TRPC5: variants seen among roughly 807,000 people sequenced by gnomAD.
The protein encoded by TRPC5 is transient receptor potential cation channel subfamily C member 5, also known as short transient receptor potential channel 5.
A neutral mutation model predicts 56.5 loss-of-function variants in TRPC5; 9 were observed. The observed-to-expected ratio is 0.16, with a 90% CI of 0.10 to 0.28. The LOEUF (loss-of-function observed/expected upper bound fraction) is 0.28, where lower values mean the gene tolerates loss of function less well. Ranked by LOEUF, TRPC5 falls within the 10% of genes least tolerant of loss-of-function variation. TRPC5 has a pLI of 1.00. For missense variants in TRPC5, 469 were observed against 748.9 expected (o/e 0.63, Z 4.36); for synonymous variants, 282 against 278.5 (o/e 1.01, Z -0.13).
At chrX:111,957,179 C>G (rs1011326585) in intron 1 of TRPC5, among the ~76,000 whole-genome samples, 19 of 111,859 alleles carry the variant, frequency 1.7e-4, no homozygotes, top group Non-Finnish European at 3.2e-4. Flanking sequence ...GAACATAGTG[C>G]TCTAGAAATG....
At chrX:111,789,565 G>A (rs909178060) in intron 7 of TRPC5, among the ~76,000 whole-genome samples, 5 of 111,855 alleles carry the variant, frequency 4.5e-5, no homozygotes, top group African/African-American at 1.6e-4. Context: ...ATAGACAAAT[G>A]GGATCTAATT....
intron 3 of TRPC5, among the ~76,000 whole-genome samples, chrX:111,887,475 G>A (rs1321993212): frequency 2.7e-5 from 3 of 112,093 alleles, no homozygotes; most frequent in Admixed American, 9.4e-5. Flanking sequence ...GAATCTGGAA[G>A]GTCTTTCCTC....
intron 3 of TRPC5, among the ~76,000 whole-genome samples, chrX:111,856,270 G>A (rs950368921): frequency 9.1e-6 from 1 of 110,493 alleles, no homozygotes; most frequent in Non-Finnish European, 1.9e-5. Flanking sequence ...AGCTGGGCAC[G>A]GTGGCTCATG....
chrX:111,854,068 G>A lies in TRPC5; in HGVS notation c.939C>T (p.Thr313=). The A allele has an allele frequency of 1.7e-6, 2 of 1,210,790 alleles. No individual in the cohort carries two copies. The highest frequency in any genetic ancestry group is 2.2e-6 in the Non-Finnish European group (2 of 895,059). Reference sequence around the variant, plus strand: ...ATCCAGGGAAGCCATCATACCACAGGGTGGCAAGCAACTGTTGGCAGTTGG... The same window carrying A: ...ATCCAGGGAAGCCATCATACCACAGAGTGGCAAGCAACTGTTGGCAGTTGG... ...AQPNCQQLLA[T]LWYDGFPGWR... The change falls in exon 4 of 11, where the codon ACC becomes ACT. Residue 313 remains threonine, a synonymous_variant. Transcript: ENST00000262839.
chrX:111,926,533 C>T (rs1438216790), intron 2 of TRPC5, among the ~76,000 whole-genome samples: 1 of 112,075 alleles, frequency 8.9e-6, no homozygotes, highest in Non-Finnish European at 1.9e-5. Context: ...CTGGATAATG[C>T]TGCTCTAGAA....
intron 1 of TRPC5, among the ~76,000 whole-genome samples, chrX:112,078,481 T>C (rs1384434072): frequency 8.9e-6 from 1 of 111,770 alleles, no homozygotes; most frequent in Non-Finnish European, 1.9e-5. Context: ...AGGTCATTTC[T>C]ACTCTCTAGA....
chrX:112,079,050 G>A (rs939437010), intron 1 of TRPC5, among the ~76,000 whole-genome samples: 2 of 111,572 alleles, frequency 1.8e-5, no homozygotes, highest in African/African-American at 6.5e-5. Flanking sequence ...ACCTTTCCCT[G>A]CAAACCTGGC....
chrX:111,776,887 T>A lies in TRPC5; in HGVS notation c.2348A>T (p.Asn783Ile). The change falls in exon 11 of 11, where the codon AAT becomes ATT. Residue 783 changes from asparagine to isoleucine, a missense_variant. Around this residue, in one of 3 missense-constraint regions of TRPC5, gnomAD observed 194 missense variants for 221.8 expected, o/e 0.87. Transcript: ENST00000262839. ...CCGAGCCCCACCACTGCCATCATTA[T>A]TATCGTCTCTCTGAGACAGTTCAGT... ...SSTELSQRDD[N>I]NDGSGGARAK... 8.3e-7 allele frequency: 1 copy of A among 1,211,391 alleles called. No homozygotes were observed. The highest frequency in any genetic ancestry group is 1.1e-6 in the Non-Finnish European group (1 of 895,323).
At chrX:111,801,080 C>T (rs1014419865) in intron 7 of TRPC5, among the ~76,000 whole-genome samples, 2 of 112,018 alleles carry the variant, frequency 1.8e-5, no homozygotes, top group Non-Finnish European at 3.8e-5. Context: ...CTGTCAACCA[C>T]TAATCATTCT....
intron 1 of TRPC5, among the ~76,000 whole-genome samples, chrX:111,965,166 G>C (rs1218029552): frequency 3.2e-4 from 36 of 111,115 alleles, no homozygotes; most frequent in Non-Finnish European, 6.0e-4. Context: ...AAAGGCAGGG[G>C]TTGCAATCCT....
At chrX:111,920,227 A>G (rs1351359664) in intron 2 of TRPC5, among the ~76,000 whole-genome samples, 4 of 111,257 alleles carry the variant, frequency 3.6e-5, no homozygotes, top group Non-Finnish European at 7.5e-5. Context: ...GTGAGTGAAG[A>G]TCGCACCACT....
chrX:111,862,610 T>C (rs1474311462), intron 3 of TRPC5, among the ~76,000 whole-genome samples: 5 of 112,157 alleles, frequency 4.5e-5, no homozygotes, highest in Non-Finnish European at 7.5e-5. Context: ...TTAATCCGTT[T>C]GCATATTTTG....
intron 1 of TRPC5, among the ~76,000 whole-genome samples, chrX:111,994,386 G>A (rs1928457373): frequency 9.0e-6 from 1 of 111,566 alleles, no homozygotes; most frequent in Admixed American, 9.6e-5. Context: ...GGCAATGCGG[G>A]CTCTTTTTTG....
intron 7 of TRPC5, among the ~76,000 whole-genome samples, chrX:111,824,888 C>T (rs1228765455): frequency 1.8e-5 from 2 of 111,617 alleles, no homozygotes. Context: ...CTTTAATAAA[C>T]ACTAGGCCAA....
chrX:112,040,064 C>T (rs1300562202), intron 1 of TRPC5, among the ~76,000 whole-genome samples: 1 of 111,867 alleles, frequency 8.9e-6, no homozygotes, highest in African/African-American at 3.2e-5. Flanking sequence ...CAAATAAGAG[C>T]CCTCAATGGG....
At chrX:111,936,556 C>T (rs1467527601) in intron 2 of TRPC5, among the ~76,000 whole-genome samples, 1 of 107,854 alleles carries the variant, frequency 9.3e-6, no homozygotes, top group Non-Finnish European at 1.9e-5. Context: ...CATGTGTTCT[C>T]ATTGTTCAAT....
At chrX:111,870,566 G>A (rs1392996174) in intron 3 of TRPC5, among the ~76,000 whole-genome samples, 2 of 111,732 alleles carry the variant, frequency 1.8e-5, no homozygotes, top group African/African-American at 6.5e-5. Flanking sequence ...ACCTGGGCAT[G>A]CTTAGATGCA....
rs891800692 is a variant in TRPC5 at position 111,939,776 on chromosome X, C to T, written c.378+12267G>A. On this transcript the variant is annotated intron_variant, in intron 2 of 10. Coordinates refer to ENST00000262839, the MANE Select transcript of TRPC5 (RefSeq NM_012471.3). ...TTTAATCTCTGATTTTATTTATTTG[C>T]GCCTTCTCTCTTTTTTTCTTAGTCT... Among the ~76,000 whole-genome samples the T allele has an allele frequency of 9.9e-5, 11 of 111,166 alleles. No homozygotes were observed. The South Asian group carries it at 1.1e-3, about 11-fold the overall frequency.
At chrX:111,987,328 CCTTT>C (rs775953757) in intron 1 of TRPC5, among the ~76,000 whole-genome samples, 5 of 111,261 alleles carry the variant, frequency 4.5e-5, no homozygotes, top group Non-Finnish European at 9.4e-5. Flanking sequence ...CATATAATTA[CCTTT>C]CTTTTTCTTT....
Sources: allele counts gnomAD v4.1 joint callset (sites outside exome capture counted in the v4.1 genomes callset), GRCh38; gene constraint gnomAD v4.1.1; regional missense constraint gnomAD v4.1.1; transcripts MANE v1.5; gene names NCBI Gene and HGNC (gene_info 2026-07-23, HGNC 2026-07-21).